The following XPR1 variants were observed in gnomAD, a reference collection of about 807,000 sequenced individuals.
XPR1 encodes solute carrier family 53 member 1.
XPR1 carries 28 observed loss-of-function variants against 87.5 expected under a neutral mutation model. The ratio of observed to expected loss-of-function variants is 0.32; its 90% CI spans 0.24 to 0.44. XPR1 has a LOEUF of 0.44. Ranked by LOEUF, XPR1 falls within the 20% of genes least tolerant of loss-of-function variation. The pLI, the probability that XPR1 is intolerant of heterozygous loss-of-function variation, is 1.00. For missense variants in XPR1, 559 were observed against 862.3 expected (o/e 0.65, Z 4.41); for synonymous variants, 300 against 306.1 (o/e 0.98, Z 0.21).
At chr1:180,758,908 C>T (rs1408612646) in intron 2 of XPR1, 1 of 152,294 alleles carries the variant, frequency 6.6e-6, no homozygotes, top group Non-Finnish European at 1.5e-5. Flanking sequence ...GAAATTATAA[C>T]AAACTGTCTC....
intron 2 of XPR1, among the ~76,000 whole-genome samples, chr1:180,717,522 C>G (rs904263922): frequency 6.6e-6 from 1 of 151,910 alleles, no homozygotes; most frequent in African/African-American, 2.4e-5. Flanking sequence ...GAACATGTAC[C>G]TCAGAACTAC....
intron 2 of XPR1, among the ~76,000 whole-genome samples, chr1:180,720,008 C>T (rs1658126335): frequency 6.6e-6 from 1 of 151,962 alleles, no homozygotes; most frequent in African/African-American, 2.4e-5. Flanking sequence ...TGTGTTTTAG[C>T]ATCTTTCTAA....
chr1:180,641,392 GTCCAGTTTAGGT>G (rs1654956890), intron 1 of XPR1, among the ~76,000 whole-genome samples: 2 of 152,118 alleles, frequency 1.3e-5, no homozygotes, highest in African/African-American at 4.8e-5. Context: ...CTCCAGGTTT[GTCCAGTTTAGGT>G]TTTCATGGAA....
chr1:180,750,240 C>A (rs1647476217), intron 2 of XPR1, among the ~76,000 whole-genome samples: 1 of 151,982 alleles, frequency 6.6e-6, no homozygotes, highest in Non-Finnish European at 1.5e-5. Context: ...GGCCCATTTT[C>A]TTTTTATTTA....
intron 2 of XPR1, among the ~76,000 whole-genome samples, chr1:180,746,152 T>C (rs1276407005): frequency 6.6e-6 from 1 of 152,206 alleles, no homozygotes; most frequent in Non-Finnish European, 1.5e-5. Context: ...GTTTCATGGA[T>C]GCATTGTATA....
chr1:180,850,685 T>C lies in XPR1; in HGVS notation c.1502-13023T>C, dbSNP rs533646904. ...AAATGTATAGAATCCTGGCCAGGCA[T>C]GGTAACTGACACCTGTAATCTCAGC... is the stretch of plus-strand genomic sequence containing the variant. On this transcript the variant is annotated intron_variant, in intron 11 of 14. Transcript: ENST00000367590. Among the ~76,000 whole-genome samples the C allele has an allele frequency of 2.6e-5, 4 of 152,276 alleles. No individual in the cohort carries two copies. The South Asian group carries it at 8.3e-4, about 32-fold the overall frequency.
chr1:180,750,182 T>G (rs2102036452), intron 2 of XPR1, among the ~76,000 whole-genome samples: 1 of 152,294 alleles, frequency 6.6e-6, no homozygotes, highest in East Asian at 1.9e-4. Flanking sequence ...CTCATGTTAA[T>G]AAGAAAATGA....
chr1:180,721,832 T>G lies in XPR1; in HGVS notation c.121+39421T>G, dbSNP rs139558536. 5.2e-4 allele frequency among the ~76,000 whole-genome samples: 79 copies of G among 152,330 alleles called. 1 individual carries two copies. The East Asian group carries it at 0.012, about 23-fold the overall frequency. On this transcript the variant is annotated intron_variant, in intron 2 of 14. Transcript: ENST00000367590. ...ATATTTTTCTTACGACTTTCTTTTC[T>G]CTAGCTTATTTTATTGTAAGAATAC...
chr1:180,690,719 G>T (rs73051247), intron 2 of XPR1, among the ~76,000 whole-genome samples: 2,515 of 150,324 alleles, frequency 0.017, 77 homozygotes, highest in African/African-American at 0.056. Context: ...TTCTCTTTCT[G>T]GGATGTAAGT....
intron 2 of XPR1, among the ~76,000 whole-genome samples, chr1:180,716,228 C>A (rs1657990001): frequency 6.6e-6 from 1 of 151,788 alleles, no homozygotes; most frequent in African/African-American, 2.4e-5. Flanking sequence ...ACAAGTGATA[C>A]AAGTGGGTGC....
intron 1 of XPR1, among the ~76,000 whole-genome samples, chr1:180,673,763 A>G (rs912449637): frequency 6.6e-6 from 1 of 152,198 alleles, no homozygotes; most frequent in African/African-American, 2.4e-5. Flanking sequence ...TCTTTGGAAT[A>G]ATTGTCTTCC....
intron 1 of XPR1, among the ~76,000 whole-genome samples, chr1:180,645,257 G>A (rs969827769): frequency 1.3e-5 from 2 of 152,224 alleles, no homozygotes; most frequent in Admixed American, 6.5e-5. Flanking sequence ...TTTTGTAGTT[G>A]GGAGGTAATG....
intron 14 of XPR1, among the ~76,000 whole-genome samples, chr1:180,882,402 G>A (rs1558050979): frequency 6.6e-6 from 1 of 152,088 alleles, no homozygotes; most frequent in Non-Finnish European, 1.5e-5. Context: ...TGCCCAGGTT[G>A]GCTCAATGCA....
At position 180,888,450 on chromosome 1, in the gene XPR1, T is replaced by C. The variant is rs1409476583; in HGVS notation, c.*4384T>C. 2.1e-5 allele frequency: 2 copies of C among 94,974 alleles called. No individual in the cohort carries two copies. Among genetic ancestry groups the C allele is most frequent in the Non-Finnish European group, 5.1e-5 (2 of 39,574 alleles). 5.9% of individuals were successfully genotyped at this position (94,974 alleles called of 1,614,324 possible). A position where few individuals can be genotyped will look rare whatever the true frequency, so the allele number is the denominator to read the frequency against. On this transcript the variant is annotated 3_prime_UTR_variant, in exon 15 of 15. Coordinates refer to ENST00000367590, the MANE Select transcript of XPR1 (RefSeq NM_004736.4). ...TAGCTTCTGAGAGAAAAAAAGAAAG[T>C]TGAATTTGTAGCTCTCTCAACTACA...
chr1:180,787,277 G>GTTTTTTTTGTT (rs1477493600), intron 2 of XPR1, among the ~76,000 whole-genome samples: 2 of 133,834 alleles, frequency 1.5e-5, no homozygotes, highest in African/African-American at 6.0e-5. Flanking sequence ...TTACAAAGAG[G>GTTTTTTTTGTT]TTTTTTTTGT....
intron 1 of XPR1, among the ~76,000 whole-genome samples, chr1:180,648,504 GA>G (rs1327887026): frequency 6.6e-6 from 1 of 152,180 alleles, no homozygotes; most frequent in Non-Finnish European, 1.5e-5. Context: ...TCAAACCTGA[GA>G]AATCTGATTT....
intron 1 of XPR1, among the ~76,000 whole-genome samples, chr1:180,678,583 A>T (rs761693525): frequency 6.6e-6 from 1 of 152,268 alleles, no homozygotes; most frequent in Non-Finnish European, 1.5e-5. Flanking sequence ...CATATGTGAC[A>T]TTAAAAATTT....
chr1:180,633,197 A>G (rs1356498384), intron 1 of XPR1, among the ~76,000 whole-genome samples: 1 of 152,222 alleles, frequency 6.6e-6, no homozygotes, highest in Non-Finnish European at 1.5e-5. Context: ...AATAAAGGGA[A>G]AAATAAAGAT....
intron 2 of XPR1, among the ~76,000 whole-genome samples, chr1:180,682,820 G>A (rs974157972): frequency 1.3e-5 from 2 of 151,232 alleles, no homozygotes; most frequent in African/African-American, 4.9e-5. Context: ...TACAATGGAT[G>A]TGTGTGTGTG....
Sources: gnomAD v4.1 joint callset for allele counts (sites outside exome capture counted in the v4.1 genomes callset) on GRCh38, gnomAD v4.1.1 for gene constraint, MANE v1.5 for transcripts, NCBI Gene and HGNC (gene_info 2026-07-23, HGNC 2026-07-21) for gene names.